Variants in RNLS observed in about 807,000 individuals in gnomAD.
RNLS encodes the protein renalase, FAD dependent amine oxidase, also known as renalase.
In RNLS, 39 loss-of-function variants were observed where a neutral mutation model predicts 39.8. That is an observed-to-expected ratio of 0.98 (90% CI 0.76 to 1.28). The LOEUF (loss-of-function observed/expected upper bound fraction) is 1.28. Among genes scored for constraint, RNLS ranks in the 50% most tolerant of loss-of-function variants. The pLI is 0.00. For missense variants in RNLS, 410 were observed against 413.3 expected (o/e 0.99, Z 0.07); for synonymous variants, 147 against 150.7 (o/e 0.98, Z 0.18).
At chr10:88,276,742 T>C (rs1456079474) in intron 6 of RNLS, among the ~76,000 whole-genome samples, 2 of 152,242 alleles carry the variant, frequency 1.3e-5, no homozygotes, top group African/African-American at 4.8e-5. Context: ...AACTTGTTAG[T>C]TATTTTTACC....
intron 6 of RNLS, among the ~76,000 whole-genome samples, chr10:88,301,899 G>C (rs185897781): frequency 6.6e-6 from 1 of 152,234 alleles, no homozygotes; most frequent in East Asian, 1.9e-4. Context: ...CATGAAGAGA[G>C]GTAATCAAGA....
chr10:88,232,230 C>T, the RNLS span, among the ~76,000 whole-genome samples: 1 of 152,134 alleles, frequency 6.6e-6, no homozygotes. Flanking sequence ...GAGCTGGTGG[C>T]TTAGGCCTGT....
chr10:88,242,060 T>A, the RNLS span, among the ~76,000 whole-genome samples: 1 of 152,172 alleles, frequency 6.6e-6, no homozygotes, highest in Non-Finnish European at 1.5e-5. Flanking sequence ...CTATTTTTCA[T>A]CTCTGTATTC....
chr10:88,222,026 C>T, the RNLS span, among the ~76,000 whole-genome samples: 2 of 152,128 alleles, frequency 1.3e-5, no homozygotes, highest in East Asian at 3.8e-4. Context: ...ATAGTTTGTA[C>T]TATCATTAAG....
At chr10:88,282,141 C>T (rs181660453), downstream of RNLS, among the ~76,000 whole-genome samples, 4 of 152,250 alleles carry the variant, frequency 2.6e-5, no homozygotes, top group East Asian at 5.8e-4. Context: ...TTAGCCAGTA[C>T]TTACAGAGAC....
the RNLS span, among the ~76,000 whole-genome samples, chr10:88,206,997 C>T: frequency 1.3e-5 from 2 of 152,080 alleles, no homozygotes; most frequent in African/African-American, 4.8e-5. Context: ...TAGACAGACC[C>T]CATAAATGTG....
intron 4 of RNLS, among the ~76,000 whole-genome samples, chr10:88,388,887 T>C (rs535261418): frequency 3.1e-4 from 47 of 152,284 alleles, no homozygotes; most frequent in African/African-American, 1.0e-3. Context: ...ATGTGTCGAA[T>C]GAATAAGTGA....
the RNLS span, among the ~76,000 whole-genome samples, chr10:88,238,699 G>T: frequency 6.6e-6 from 1 of 152,208 alleles, no homozygotes; most frequent in Non-Finnish European, 1.5e-5. Context: ...GATTGGGCAC[G>T]CTGTGGAGCC....
At chr10:88,265,685 T>A in the RNLS span, among the ~76,000 whole-genome samples, 6 of 152,208 alleles carry the variant, frequency 3.9e-5, no homozygotes, top group African/African-American at 1.4e-4. Context: ...AACTACTGAT[T>A]TGTGTACATT....
At chr10:88,340,023 C>T (rs1023750066) in intron 5 of RNLS, among the ~76,000 whole-genome samples, 1 of 152,224 alleles carries the variant, frequency 6.6e-6, no homozygotes, top group Non-Finnish European at 1.5e-5. Flanking sequence ...CCCTACACCT[C>T]GTTCTTAGGA....
rs189889913 is a variant in RNLS, at chr10:88,367,108, A to G, written c.527-4383T>C. 5.9e-5 allele frequency among the ~76,000 whole-genome samples: 9 copies of G among 152,216 alleles called. No homozygotes were observed. The East Asian group carries it at 1.5e-3, about 26-fold the overall frequency. Reference sequence around the variant, plus strand: ...ATGTAAATTTTAATAGAGGTTTAACATACATAGAGAAAATTATGCCTTGAT... The same window carrying G: ...ATGTAAATTTTAATAGAGGTTTAACGTACATAGAGAAAATTATGCCTTGAT... On this transcript the variant is annotated intron_variant, in intron 4 of 6. Transcript: ENST00000331772.
At chr10:88,406,913 T>C (rs1813676) in intron 4 of RNLS, among the ~76,000 whole-genome samples, 2,362 of 152,110 alleles carry the variant, frequency 0.016, 62 homozygotes, top group African/African-American at 0.054. Flanking sequence ...CTGGATGAGA[T>C]TGGAGACTAT....
At chr10:88,359,335 T>C (rs999937106) in intron 5 of RNLS, among the ~76,000 whole-genome samples, 4 of 151,288 alleles carry the variant, frequency 2.6e-5, no homozygotes, top group Admixed American at 2.6e-4. Context: ...ACAAAAAAAC[T>C]CTTACTGTCC....
chr10:88,538,527 T>C (rs1489170453), intron 4 of RNLS, among the ~76,000 whole-genome samples: 1 of 152,166 alleles, frequency 6.6e-6, no homozygotes, highest in Non-Finnish European at 1.5e-5. Flanking sequence ...AAGTAAAACT[T>C]GAAAGAAATA....
At chr10:88,529,373 A>C (rs939462199) in intron 4 of RNLS, among the ~76,000 whole-genome samples, 1 of 152,174 alleles carries the variant, frequency 6.6e-6, no homozygotes, top group African/African-American at 2.4e-5. Context: ...TTCAGTATTA[A>C]ATGGCTACGT....
chr10:88,245,625 C>A, the RNLS span, among the ~76,000 whole-genome samples: 3 of 152,104 alleles, frequency 2.0e-5, no homozygotes, highest in Admixed American at 6.5e-5. Flanking sequence ...ATGTGATTTT[C>A]TTTTCTTTTT....
intron 4 of RNLS, among the ~76,000 whole-genome samples, chr10:88,437,347 G>A (rs1288850477): frequency 1.3e-5 from 2 of 152,068 alleles, no homozygotes; most frequent in African/African-American, 4.8e-5. Context: ...CCAAATAGAT[G>A]GGGCAGAATT....
At chr10:88,289,085 C>A (rs1843489393) in intron 6 of RNLS, among the ~76,000 whole-genome samples, 1 of 152,152 alleles carries the variant, frequency 6.6e-6, no homozygotes, top group South Asian at 2.1e-4. Context: ...GAACTCTTGC[C>A]TGCTCTAGAG....
In RNLS at chr10:88,522,186, T is replaced by C. The variant is rs1205066522; in HGVS notation, c.526+50717A>G. 2.6e-5 allele frequency among the ~76,000 whole-genome samples: 4 copies of C among 152,072 alleles called. 1 individual carries two copies. Among genetic ancestry groups the C allele is most frequent in the Admixed American group, 1.3e-4 (2 of 15,232 alleles). On this transcript the variant is annotated intron_variant, in intron 4 of 6. Coordinates refer to ENST00000331772, the MANE Select transcript of RNLS (RefSeq NM_001031709.3). ...AGTGTGATTCCAAAATATTTGTCAA[T>C]ACATTAATAGTTTGCATGGTAGTAG...
Sources: gnomAD v4.1 joint callset for allele counts (sites outside exome capture counted in the v4.1 genomes callset) on GRCh38, gnomAD v4.1.1 for gene constraint, MANE v1.5 for transcripts, NCBI Gene and HGNC (gene_info 2026-07-23, HGNC 2026-07-21) for gene names.